The following EBF2 variants were observed in gnomAD, a reference collection of about 807,000 sequenced individuals.
The protein encoded by EBF2 is transcription factor COE2.
A neutral mutation model predicts 72.8 loss-of-function variants in EBF2; 21 were observed. The observed-to-expected ratio is 0.29, with a 90% CI of 0.20 to 0.42. EBF2 has a LOEUF of 0.42. EBF2 is among the 10% of genes least tolerant of loss of function. The pLI is 1.00. For missense variants in EBF2, 637 were observed against 731.2 expected (o/e 0.87, Z 1.49); for synonymous variants, 299 against 274.2 (o/e 1.09, Z -0.89).
chr8:25,862,677 G>A (rs747353443), intron 11 of EBF2, 32 bp downstream of exon 11: 53 of 1,518,758 alleles, frequency 3.5e-5, no homozygotes, highest in South Asian at 1.3e-5. Context: ...CTACACAAAT[G>A]GCTTCACATG....
At chr8:25,983,332 A>G (rs565320813) in intron 6 of EBF2, among the ~76,000 whole-genome samples, 1 of 152,342 alleles carries the variant, frequency 6.6e-6, no homozygotes, top group East Asian at 1.9e-4. Flanking sequence ...CGCCTGTGAA[A>G]AAGACGGAAG....
chr8:25,859,734 T>TTTTTTTTTTTTTTTTTTTG (rs1183390975), intron 13 of EBF2, among the ~76,000 whole-genome samples: 11 of 151,102 alleles, frequency 7.3e-5, no homozygotes, highest in African/African-American at 2.2e-4. Context: ...TTTTTTTTTT[T>TTTTTTTTTTTTTTTTTTTG]GAGACAAGAT....
At chr8:25,925,870 G>C (rs1360030482) in intron 6 of EBF2, among the ~76,000 whole-genome samples, 1 of 152,072 alleles carries the variant, frequency 6.6e-6, no homozygotes, top group African/African-American at 2.4e-5. Flanking sequence ...TAGCCCGTGT[G>C]GGGGAATGCT....
intron 5 of EBF2, among the ~76,000 whole-genome samples, chr8:26,033,833 T>C (rs1057255312): frequency 6.6e-6 from 1 of 152,200 alleles, no homozygotes; most frequent in Non-Finnish European, 1.5e-5. Flanking sequence ...TATGACCATG[T>C]TTTATAAAAT....
intron 6 of EBF2, among the ~76,000 whole-genome samples, chr8:25,955,196 G>A (rs1036581930): frequency 1.3e-5 from 2 of 152,240 alleles, no homozygotes; most frequent in Admixed American, 1.3e-4. Context: ...AGGACCCTTG[G>A]GGACGGGGCT....
chr8:25,870,245 A>AT lies in EBF2; in HGVS notation c.1010-7449dup, dbSNP rs113924712. Among the ~76,000 whole-genome samples, 526 of 146,304 alleles carry AT rather than the reference A, an allele frequency of 3.6e-3. 3 individuals carry two copies. The highest frequency in any genetic ancestry group is 8.3e-3 in the East Asian group (42 of 5,060). ...AATTCTCAAAATTCATCATTGCCTA[A>AT]TTTTTTTTTTTTTTAGAAATATGCA... On this transcript the variant is annotated intron_variant, in intron 10 of 15. Transcript: ENST00000520164.
intron 6 of EBF2, among the ~76,000 whole-genome samples, chr8:25,958,353 A>T (rs1229914307): frequency 6.6e-6 from 1 of 152,220 alleles, no homozygotes; most frequent in Non-Finnish European, 1.5e-5. Flanking sequence ...TAATTTTTAA[A>T]GTTTTGCTAA....
intron 6 of EBF2, among the ~76,000 whole-genome samples, chr8:26,012,633 A>T (rs183982542): frequency 1.7e-4 from 26 of 152,316 alleles, no homozygotes; most frequent in African/African-American, 5.8e-4. Flanking sequence ...TAGCTTTTCC[A>T]CTAATGGACA....
At chr8:26,009,606 T>C (rs988758589) in intron 6 of EBF2, among the ~76,000 whole-genome samples, 2 of 152,206 alleles carry the variant, frequency 1.3e-5, no homozygotes, top group Non-Finnish European at 2.9e-5. Flanking sequence ...CTCTAAGAAA[T>C]ACCGCCCGCA....
chr8:25,999,578 G>A (rs1360363115), intron 6 of EBF2, among the ~76,000 whole-genome samples: 1 of 149,848 alleles, frequency 6.7e-6, no homozygotes, highest in Non-Finnish European at 1.5e-5. Flanking sequence ...ATTTCCTTCT[G>A]CATTTCCCTA....
At chr8:25,858,031 G>T (rs1585261268) in intron 14 of EBF2, 1 of 555,706 alleles carries the variant, frequency 1.8e-6, no homozygotes, top group East Asian at 4.3e-5. Flanking sequence ...TAACAGAAAT[G>T]GAATCTTAAT....
rs1801968508 is a variant in EBF2, at chr8:25,851,389, T to A, written c.1529-628A>T. 2.6e-5 allele frequency among the ~76,000 whole-genome samples: 3 copies of A among 115,670 alleles called. 1 individual carries two copies. In the South Asian group the frequency reaches 8.3e-4, roughly 32 times the overall value. 75.9% of individuals were successfully genotyped at this position (115,670 alleles called of 152,430 possible). ...AGCTGCAAGTCGGCCTCCCCTGACA[T>A]AATGTTTAGAAAAAACACCAATATT... On this transcript the variant is annotated intron_variant, in intron 14 of 15. Transcript: ENST00000520164.
chr8:25,959,498 C>A (rs978919213), intron 6 of EBF2, among the ~76,000 whole-genome samples: 2 of 152,228 alleles, frequency 1.3e-5, no homozygotes, highest in African/African-American at 4.8e-5. Flanking sequence ...AGCCACAAGG[C>A]CTGGCCTAAG....
At chr8:25,916,334 C>CA (rs1436523561) in intron 6 of EBF2, among the ~76,000 whole-genome samples, 16 of 146,458 alleles carry the variant, frequency 1.1e-4, no homozygotes, top group African/African-American at 2.5e-4. Context: ...AAAACAACAA[C>CA]AACAAAAAAA....
chr8:25,983,966 T>C (rs1419075779), intron 6 of EBF2, among the ~76,000 whole-genome samples: 2 of 152,256 alleles, frequency 1.3e-5, no homozygotes, highest in Non-Finnish European at 2.9e-5. Flanking sequence ...AGCATTTCTT[T>C]AGCAGTGGAT....
intron 7 of EBF2, among the ~76,000 whole-genome samples, chr8:25,905,141 T>G (rs1339887957): frequency 3.3e-5 from 5 of 152,098 alleles, no homozygotes; most frequent in East Asian, 1.9e-4. Flanking sequence ...AAAACCACAA[T>G]GAGATACCTC....
chr8:25,850,816 C>G (rs930705922), intron 14 of EBF2, 55 bp from the exon 15 acceptor site: 1 of 1,505,708 alleles, frequency 6.6e-7, no homozygotes, highest in Non-Finnish European at 8.9e-7. Context: ...CTTCAGTTCA[C>G]ACATTTGGCA....
chr8:25,875,747 G>GT (rs1802510666), intron 10 of EBF2, among the ~76,000 whole-genome samples: 2 of 152,238 alleles, frequency 1.3e-5, no homozygotes, highest in African/African-American at 4.8e-5. Flanking sequence ...AAGCCAAAAA[G>GT]TCTCTGCAAC....
chr8:25,975,619 T>G (rs1324104854), intron 6 of EBF2, among the ~76,000 whole-genome samples: 1 of 152,222 alleles, frequency 6.6e-6, no homozygotes, highest in African/African-American at 2.4e-5. Context: ...AACTGTGCTA[T>G]AGGAAATATT....
Sources: gnomAD v4.1 joint callset for allele counts (sites outside exome capture counted in the v4.1 genomes callset) on GRCh38, gnomAD v4.1.1 for gene constraint, MANE v1.5 for transcripts, NCBI Gene and HGNC (gene_info 2026-07-23, HGNC 2026-07-21) for gene names.